SIK3: variants seen among roughly 807,000 people sequenced by gnomAD.
SIK3 encodes serine/threonine-protein kinase SIK3.
Under a neutral mutation model 144.2 loss-of-function variants are expected in SIK3, and 28 were observed. That is an observed-to-expected ratio of 0.19 (90% confidence interval 0.14 to 0.27). The LOEUF (loss-of-function observed/expected upper bound fraction) is 0.27, where lower values mean the gene tolerates loss of function less well. SIK3 is among the 10% of genes least tolerant of loss of function. SIK3 has a pLI of 1.00. For synonymous variants in SIK3, 686 were observed against 676.3 expected, an observed-to-expected ratio of 1.01 and a Z score of -0.22; for missense variants, 1,319 against 1,776.0, an observed-to-expected ratio of 0.74 and a Z score of 4.62.
intron 3 of SIK3, among the ~76,000 whole-genome samples, chr11:116,934,817 C>T (rs1433175755): frequency 2.6e-5 from 4 of 152,148 alleles, no homozygotes; most frequent in African/African-American, 9.7e-5. Context: ...CGGTGGCTCA[C>T]CTCTATAATC....
intron 2 of SIK3, among the ~76,000 whole-genome samples, 169 bp downstream of exon 2, chr11:116,956,779 G>C (rs1307078791): frequency 6.6e-6 from 1 of 152,200 alleles, no homozygotes; most frequent in Non-Finnish European, 1.5e-5. Flanking sequence ...GGGGAAACTT[G>C]AGGATACTAA....
intron 16 of SIK3, 80 bp downstream of exon 16, chr11:116,863,588 G>T (rs1381171810): frequency 2.5e-6 from 4 of 1,587,778 alleles, no homozygotes; most frequent in Admixed American, 1.7e-5. Context: ...AAAGGGGTAC[G>T]TTTACCACCC....
chr11:116,873,138 A>G (rs1441160913), intron 13 of SIK3, among the ~76,000 whole-genome samples: 2 of 152,232 alleles, frequency 1.3e-5, no homozygotes, highest in African/African-American at 4.8e-5. Flanking sequence ...GCCTTCTGGC[A>G]GGGAAAGGTT....
At chr11:116,875,789 G>T in intron 9 of SIK3, 77 bp downstream of exon 9, 1 of 1,478,138 alleles carries the variant, frequency 6.8e-7, no homozygotes, top group Non-Finnish European at 9.0e-7. Flanking sequence ...TCTCGACTTA[G>T]GGTTAGTGAG....
intron 1 of SIK3, among the ~76,000 whole-genome samples, chr11:116,962,116 T>C (rs935004363): frequency 2.6e-5 from 4 of 152,200 alleles, no homozygotes; most frequent in African/African-American, 9.7e-5. Context: ...TCTGACACCA[T>C]ATTTGTAAGC....
At chr11:116,904,269 C>G (rs548533525) in intron 4 of SIK3, among the ~76,000 whole-genome samples, 67 of 152,098 alleles carry the variant, frequency 4.4e-4, no homozygotes, top group Non-Finnish European at 5.9e-4. Context: ...CAGGAGGGAG[C>G]ACGAGCAAGG....
chr11:117,074,718 T>C (rs1392660450), intron 1 of SIK3, among the ~76,000 whole-genome samples: 3 of 151,310 alleles, frequency 2.0e-5, no homozygotes, highest in African/African-American at 4.9e-5. Context: ...AGGTCAGGAG[T>C]TTGGGACCAG....
intron 3 of SIK3, among the ~76,000 whole-genome samples, chr11:116,942,476 AC>A (rs1031412829): frequency 3.9e-5 from 6 of 152,372 alleles, no homozygotes; most frequent in African/African-American, 1.4e-4. Context: ...CAGTAAAAAA[AC>A]AAATAAATAT....
intron 1 of SIK3, among the ~76,000 whole-genome samples, chr11:117,023,179 G>T (rs78602241): frequency 6.6e-6 from 1 of 152,012 alleles, no homozygotes; most frequent in African/African-American, 2.4e-5. Flanking sequence ...CCCAGAAACC[G>T]ATACCTCAAA....
rs1249418720 is a variant in SIK3 at position 116,876,156 on chromosome 11, A to G, written c.1095+97T>C. 1.0e-5 allele frequency: 15 copies of G among 1,448,812 alleles called. No individual in the cohort carries two copies. The East Asian group carries it at 2.5e-4, about 25-fold the overall frequency. 89.7% of individuals were successfully genotyped at this position (1,448,812 alleles called of 1,614,324 possible). A position where few individuals can be genotyped will look rare whatever the true frequency, so the allele number is the denominator to read the frequency against. Reference sequence around the variant, plus strand: ...GGGGCAGAGGAAGAAAAACAGGAGGAAAAAAAAGGCCCAAGTTCCCGAGAA... The same window carrying G: ...GGGGCAGAGGAAGAAAAACAGGAGGGAAAAAAAGGCCCAAGTTCCCGAGAA... On this transcript the variant is annotated intron_variant, in intron 8 of 24. Coordinates refer to ENST00000445177, the MANE Select transcript of SIK3 (RefSeq NM_001366686.3).
At chr11:116,933,240 A>C (rs1054868398) in intron 3 of SIK3, among the ~76,000 whole-genome samples, 3 of 151,076 alleles carry the variant, frequency 2.0e-5, no homozygotes, top group Admixed American at 6.6e-5. Context: ...TCCTGGGTTC[A>C]AGTGATTCTC....
chr11:116,879,626 A>G (rs1412071226), intron 6 of SIK3, among the ~76,000 whole-genome samples: 7 of 152,220 alleles, frequency 4.6e-5, no homozygotes, highest in Non-Finnish European at 8.8e-5. Context: ...ACTAAGATAA[A>G]TTACTCTTAT....
At chr11:116,947,535 G>A (rs1174582368) in intron 3 of SIK3, among the ~76,000 whole-genome samples, 1 of 70,022 alleles carries the variant, frequency 1.4e-5, no homozygotes, top group African/African-American at 3.7e-5. Context: ...ATATATATAT[G>A]TATGTATGTA....
chr11:117,026,392 C>T (rs937590816), intron 1 of SIK3, among the ~76,000 whole-genome samples: 3 of 152,140 alleles, frequency 2.0e-5, no homozygotes, highest in Admixed American at 6.5e-5. Context: ...GTATCCCCAT[C>T]GCTAAGCAGT....
At chr11:116,916,671 C>T (rs963336459) in intron 4 of SIK3, among the ~76,000 whole-genome samples, 2 of 151,250 alleles carry the variant, frequency 1.3e-5, no homozygotes, top group African/African-American at 4.9e-5. Context: ...CCACCACGCC[C>T]GGCTAATTTT....
chr11:116,965,315 G>A (rs61905680), intron 1 of SIK3, among the ~76,000 whole-genome samples: 24,608 of 151,478 alleles, frequency 0.16, 2,106 homozygotes, highest in Admixed American at 0.21. Context: ...TGCCAACAAT[G>A]TTTTATAGTT....
At chr11:117,053,854 C>T (rs750976276) in intron 1 of SIK3, among the ~76,000 whole-genome samples, 1 of 152,120 alleles carries the variant, frequency 6.6e-6, no homozygotes, top group Non-Finnish European at 1.5e-5. Flanking sequence ...GCTGTATTGC[C>T]CAGGCTGGTC....
chr11:116,853,085 T>C lies in SIK3; in HGVS notation c.3656-3802A>G, dbSNP rs1382076940. Among the ~76,000 whole-genome samples, 4 of 152,226 alleles carry C rather than the reference T, an allele frequency of 2.6e-5. 1 individual carries two copies. Among genetic ancestry groups the C allele is most frequent in the Non-Finnish European group, 5.9e-5 (4 of 68,044 alleles). ...CACCAGCAAAGTGTTGGCAAATCTT[T>C]CAGCTTCTCCTCAAGGTTCCTGATC... On this transcript the variant is annotated intron_variant, in intron 21 of 24. Transcript: ENST00000445177.
intron 4 of SIK3, among the ~76,000 whole-genome samples, chr11:116,910,680 A>G (rs1486944368): frequency 2.0e-5 from 3 of 152,206 alleles, no homozygotes; most frequent in Non-Finnish European, 4.4e-5. Context: ...CAGAAGACAT[A>G]AAGTAAACTA....
Sources: gnomAD v4.1 joint callset for allele counts (sites outside exome capture counted in the v4.1 genomes callset) on GRCh38, gnomAD v4.1.1 for gene constraint, MANE v1.5 for transcripts, NCBI Gene and HGNC (gene_info 2026-07-23, HGNC 2026-07-21) for gene names.